ANO3: variants seen among roughly 807,000 people sequenced by gnomAD.
ANO3 encodes the protein anoctamin 3.
Under a neutral mutation model 144.8 loss-of-function variants are expected in ANO3, and 99 were observed. That is an observed-to-expected ratio of 0.68 (90% CI 0.58 to 0.81). The LOEUF is 0.81. Among genes scored for constraint, ANO3 ranks in the 30% least tolerant of loss-of-function variants. The pLI, the probability that ANO3 is intolerant of heterozygous loss-of-function variation, is 0.00. For synonymous variants in ANO3, 414 were observed against 392.6 expected (o/e 1.05, Z -0.64); for missense variants, 905 against 1,202.2 (o/e 0.75, Z 3.66).
At chr11:26,481,047 C>G (rs1267290285) in intron 4 of ANO3, among the ~76,000 whole-genome samples, 1 of 151,694 alleles carries the variant, frequency 6.6e-6, no homozygotes, top group African/African-American at 2.4e-5. Flanking sequence ...TGTGAGGAAT[C>G]AGTGAATGAG....
At position 26,228,662 on chromosome 11, in the gene ANO3, G is replaced by T. The variant is rs117345946; in HGVS notation, c.154+39332G>T. Among the ~76,000 whole-genome samples, 908 of 152,288 alleles carry T rather than the reference G, an allele frequency of 6.0e-3. 9 individuals carry two copies. Among genetic ancestry groups the T allele is most frequent in the Non-Finnish European group, 8.9e-3 (604 of 68,004 alleles). The stretch of plus-strand genomic sequence containing the variant: ...ACCACAGAAAGTTCTGAAACATAAT[G>T]GTCTGTCACTATCAGAGTTTTCTAT... On this transcript the variant is annotated intron_variant, in intron 1 of 27. Transcript: ENST00000672621.
rs555321508 is a variant in ANO3, at chr11:26,625,148, A to G, written c.1873+650A>G. On this transcript the variant is annotated intron_variant, in intron 18 of 26. Transcript: ENST00000256737. ...CACCGTGTTAGCCAGGATGGACTCA[A>G]TTTCCTGACCTCGTGATCTGCCCGC... is the stretch of plus-strand genomic sequence containing the variant. 5.3e-5 allele frequency among the ~76,000 whole-genome samples: 8 copies of G among 152,240 alleles called. No individual in the cohort carries two copies. In the East Asian group the frequency reaches 1.4e-3, roughly 26 times the overall value.
At chr11:26,226,703 A>T (rs1339337835) in intron 1 of ANO3, among the ~76,000 whole-genome samples, 1 of 151,944 alleles carries the variant, frequency 6.6e-6, no homozygotes, top group Non-Finnish European at 1.5e-5. Flanking sequence ...CAATTATTAG[A>T]TATTTGATTT....
intron 18 of ANO3, among the ~76,000 whole-genome samples, chr11:26,631,467 A>C (rs1852777930): frequency 6.6e-6 from 1 of 152,138 alleles, no homozygotes; most frequent in African/African-American, 2.4e-5. Flanking sequence ...TCATTAAACA[A>C]ATTTTTAAAA....
intron 1 of ANO3, among the ~76,000 whole-genome samples, chr11:26,252,198 T>G (rs989862717): frequency 1.1e-4 from 16 of 152,208 alleles, no homozygotes; most frequent in African/African-American, 3.6e-4. Context: ...TACAACTTTT[T>G]TAAATGACAT....
intron 5 of ANO3, among the ~76,000 whole-genome samples, chr11:26,509,925 T>C (rs1466985180): frequency 6.6e-6 from 1 of 151,762 alleles, no homozygotes; most frequent in Non-Finnish European, 1.5e-5. Flanking sequence ...GGCCGGATCA[T>C]GAGGTCAAAA....
chr11:26,618,271 C>A (rs748814974), intron 17 of ANO3, among the ~76,000 whole-genome samples: 2 of 151,984 alleles, frequency 1.3e-5, no homozygotes, highest in South Asian at 2.1e-4. Flanking sequence ...CTGTACATAG[C>A]CAGAAACCTT....
upstream of ANO3, among the ~76,000 whole-genome samples, chr11:26,329,728 G>C (rs897829279): frequency 6.6e-6 from 1 of 152,248 alleles, no homozygotes; most frequent in African/African-American, 2.4e-5. Flanking sequence ...GAGTAGGTTG[G>C]AGAAAATCAG....
At chr11:26,384,974 T>A (rs967107667) in intron 1 of ANO3, among the ~76,000 whole-genome samples, 2 of 152,216 alleles carry the variant, frequency 1.3e-5, no homozygotes, top group Non-Finnish European at 2.9e-5. Context: ...GGTGCCAAAA[T>A]CCTCTACCCT....
intron 24 of ANO3, among the ~76,000 whole-genome samples, chr11:26,651,173 C>T (rs910926049): frequency 2.0e-5 from 3 of 151,908 alleles, no homozygotes; most frequent in African/African-American, 7.3e-5. Context: ...ACTAATTTTC[C>T]AAATAACCCA....
At chr11:26,578,701 T>C (rs1044607850) in intron 14 of ANO3, among the ~76,000 whole-genome samples, 2 of 152,180 alleles carry the variant, frequency 1.3e-5, no homozygotes, top group Non-Finnish European at 2.9e-5. Context: ...TTGTGCATGT[T>C]CACAGGCAGA....
intron 20 of ANO3, 80 bp downstream of exon 20, chr11:26,635,150 A>G (rs1160097305): frequency 7.5e-7 from 1 of 1,328,376 alleles, no homozygotes; most frequent in Non-Finnish European, 1.1e-6. Flanking sequence ...AGCTGAAGAA[A>G]GGAGAAGTTC....
At chr11:26,366,600 T>C (rs2133932429) in intron 1 of ANO3, among the ~76,000 whole-genome samples, 1 of 152,270 alleles carries the variant, frequency 6.6e-6, no homozygotes, top group African/African-American at 2.4e-5. Context: ...ACCAACAGTG[T>C]AAAAGTGTTC....
At chr11:26,654,395 T>A (rs996657128) in intron 24 of ANO3, among the ~76,000 whole-genome samples, 12 of 152,090 alleles carry the variant, frequency 7.9e-5, no homozygotes, top group Non-Finnish European at 1.2e-4. Context: ...TAGTATTTAT[T>A]TAAATTTTAT....
intron 1 of ANO3, among the ~76,000 whole-genome samples, chr11:26,396,097 A>C (rs1235949726): frequency 6.6e-6 from 1 of 152,156 alleles, no homozygotes; most frequent in Non-Finnish European, 1.5e-5. Flanking sequence ...AATTTACAAG[A>C]AAAAAACAAC....
chr11:26,337,184 TG>T (rs1180022830), intron 1 of ANO3, among the ~76,000 whole-genome samples: 1 of 152,216 alleles, frequency 6.6e-6, no homozygotes, highest in African/African-American at 2.4e-5. Context: ...TGTCTGGGAC[TG>T]TAACTTAAAA....
At chr11:26,575,031 A>C (rs1248570033) in intron 14 of ANO3, among the ~76,000 whole-genome samples, 1 of 152,156 alleles carries the variant, frequency 6.6e-6, no homozygotes, top group African/African-American at 2.4e-5. Context: ...CATAGTTAAA[A>C]GAATTGAATG....
chr11:26,477,867 T>G (rs1461807569), intron 4 of ANO3, among the ~76,000 whole-genome samples: 1 of 152,200 alleles, frequency 6.6e-6, no homozygotes, highest in Admixed American at 6.5e-5. Flanking sequence ...TAAGGATTTG[T>G]GTTAATAAAA....
chr11:26,525,134 A>G (rs996002416), intron 6 of ANO3, among the ~76,000 whole-genome samples: 2 of 152,020 alleles, frequency 1.3e-5, no homozygotes, highest in African/African-American at 2.4e-5. Flanking sequence ...CACCTCAACT[A>G]TCAAGGAAGC....
Sources: allele counts gnomAD v4.1 joint callset (sites outside exome capture counted in the v4.1 genomes callset), GRCh38; gene constraint gnomAD v4.1.1; transcripts MANE v1.5; gene names NCBI Gene and HGNC (gene_info 2026-07-23, HGNC 2026-07-21).